The following UBA6 variants were observed in gnomAD, a reference collection of about 807,000 sequenced individuals.
The protein encoded by UBA6 is ubiquitin like modifier activating enzyme 6.
UBA6 carries 87 observed loss-of-function variants against 148.3 expected under a neutral mutation model. That is an observed-to-expected ratio of 0.59 (90% CI 0.49 to 0.70). UBA6 has a LOEUF of 0.70. UBA6 is among the 30% of genes least tolerant of loss of function. The pLI is 0.00. For synonymous variants in UBA6, 376 were observed against 401.0 expected (o/e 0.94, Z 0.75); for missense variants, 1,186 against 1,241.2 (o/e 0.96, Z 0.67).
At chr4:67,700,595 T>C (rs1288271255) in intron 1 of UBA6, among the ~76,000 whole-genome samples, 1 of 152,026 alleles carries the variant, frequency 6.6e-6, no homozygotes, top group Admixed American at 6.5e-5. Context: ...TACTGATTCA[T>C]TCTTACCAAG....
intron 32 of UBA6, among the ~76,000 whole-genome samples, chr4:67,620,577 G>A (rs1300290587): frequency 6.6e-6 from 1 of 152,152 alleles, no homozygotes; most frequent in African/African-American, 2.4e-5. Flanking sequence ...CAAATAAGTA[G>A]GCCAGTGTAG....
At chr4:67,665,350 ACT>A (rs1341055766) in intron 9 of UBA6, 58 bp from the exon 10 acceptor site, 6 of 1,044,094 alleles carry the variant, frequency 5.7e-6, no homozygotes, top group Non-Finnish European at 8.5e-6. Context: ...TTAAATTTCA[ACT>A]CTTATTGTCA....
chr4:67,668,423 C>T (rs777455532), intron 9 of UBA6, 128 bp downstream of exon 9: 5 of 798,354 alleles, frequency 6.3e-6, no homozygotes, highest in African/African-American at 1.7e-5. Context: ...TCACTTGGAT[C>T]GAATATTTTG....
At chr4:67,690,317 AG>A (rs1268030616) in intron 2 of UBA6, among the ~76,000 whole-genome samples, 1 of 152,134 alleles carries the variant, frequency 6.6e-6, no homozygotes, top group African/African-American at 2.4e-5. Flanking sequence ...AATGAATCAA[AG>A]ACTTAAATGT....
chr4:67,671,389 C>A (rs769058766), intron 7 of UBA6, among the ~76,000 whole-genome samples: 1 of 151,132 alleles, frequency 6.6e-6, no homozygotes, highest in Non-Finnish European at 1.5e-5. Context: ...AGAAGACCAC[C>A]TCCCACTTGA....
rs747050819 is a variant in UBA6 at position 67,668,567 on chromosome 4, A to G, written c.777T>C (p.Ser259=). Residue 259 remains serine, a synonymous_variant, in exon 9 of 33, where the codon TCT becomes TCC. Coordinates refer to ENST00000322244, the MANE Select transcript of UBA6 (RefSeq NM_018227.6). ...EINGMTGLNG[S]IQQITVISPF... is the part of the protein sequence containing the mutation. ...TTGACTTACCCGTTATTTGTTGTAT[A>G]GATCCATTTAAACCTGTCATTCCAT... 3 of 1,612,014 alleles carry G rather than the reference A, an allele frequency of 1.9e-6. No homozygotes were observed. Among genetic ancestry groups the G allele is most frequent in the South Asian group, 2.2e-5 (2 of 90,942 alleles).
At chr4:67,687,791 G>A (rs1341186224) in intron 2 of UBA6, among the ~76,000 whole-genome samples, 2 of 152,090 alleles carry the variant, frequency 1.3e-5, no homozygotes, top group African/African-American at 2.4e-5. Context: ...CTCCAACCAC[G>A]TCCCTGCAAA....
In UBA6 at chr4:67,675,756, AAAG is replaced by A. The variant is rs1369270762; in HGVS notation, c.465+1852_465+1854del. Among the ~76,000 whole-genome samples, 615 of 148,700 alleles carry A rather than the reference AAAG, an allele frequency of 4.1e-3. 6 individuals carry two copies. The highest frequency in any genetic ancestry group is 0.014 in the African/African-American group (578 of 40,700). On this transcript the variant is annotated intron_variant, in intron 6 of 32. Coordinates refer to ENST00000322244, the MANE Select transcript of UBA6 (RefSeq NM_018227.6). Reference sequence around the variant, plus strand: ...AAAGGAAAGAGAAAGAGGAAAGAGGAAAGAAGAAAGGAAAGGAAAAGAAAGGAA... The same window carrying A: ...AAAGGAAAGAGAAAGAGGAAAGAGGAAAGAAAGGAAAGGAAAAGAAAGGAA...
chr4:67,634,869 A>G (rs1729099027), intron 20 of UBA6, among the ~76,000 whole-genome samples: 1 of 152,114 alleles, frequency 6.6e-6, no homozygotes. Context: ...TTGAAAAGTA[A>G]TTCAGGAATA....
rs1729883265 is a variant in UBA6 at position 67,662,408 on chromosome 4, G to T, written c.1038-153C>A. On this transcript the variant is annotated intron_variant, in intron 12 of 32. Coordinates refer to ENST00000322244, the MANE Select transcript of UBA6 (RefSeq NM_018227.6). ...ATGTTGTACTGATTTAAAGATGATTGGCTTATAAATACATTACTTCAAAAT... is the reference window on the plus strand; with the variant it reads ...ATGTTGTACTGATTTAAAGATGATTTGCTTATAAATACATTACTTCAAAAT... 7 of 553,540 alleles carry T rather than the reference G, an allele frequency of 1.3e-5. No individual in the cohort carries two copies. In the South Asian group the frequency reaches 1.8e-4, roughly 14 times the overall value. 34.3% of individuals were successfully genotyped at this position (553,540 alleles called of 1,614,324 possible).
chr4:67,656,829 A>G (rs1244806049), intron 13 of UBA6, among the ~76,000 whole-genome samples: 1 of 152,252 alleles, frequency 6.6e-6, no homozygotes, highest in Non-Finnish European at 1.5e-5. Flanking sequence ...CAACTTCAGC[A>G]AAGTCTCAGG....
chr4:67,701,042 CTCT>C lies in UBA6; in HGVS notation c.71+4_71+6del. ...ACCCCTCACCTTCGCCCTTCTCGTC[CTCT>C]CACCTGCCAGTCCCCCAGGAAGAAC... is the stretch of plus-strand genomic sequence containing the variant. On this transcript the variant is annotated splice_donor_5th_base_variant and intron_variant, in intron 1 of 32. Transcript: ENST00000322244. The C allele has an allele frequency of 2.7e-5, 43 of 1,613,776 alleles. No homozygotes were observed. The highest frequency in any genetic ancestry group is 3.5e-5 in the Non-Finnish European group (41 of 1,179,740).
chr4:67,663,025 G>T, intron 12 of UBA6, 114 bp downstream of exon 12: 1 of 637,628 alleles, frequency 1.6e-6, no homozygotes, highest in Non-Finnish European at 2.6e-6. Context: ...TGCACAGCTT[G>T]GTATATCTAT....
At chr4:67,623,860 C>T (rs200382755) in intron 30 of UBA6, among the ~76,000 whole-genome samples, 1 of 152,004 alleles carries the variant, frequency 6.6e-6, no homozygotes, top group African/African-American at 2.4e-5. Flanking sequence ...AGTCAGACAC[C>T]AGGGTACCTT....
chr4:67,668,126 T>G (rs1730054025), intron 9 of UBA6, among the ~76,000 whole-genome samples: 1 of 152,208 alleles, frequency 6.6e-6, no homozygotes, highest in African/African-American at 2.4e-5. Context: ...GTGATCAAGT[T>G]TCCTCCTAAA....
rs200188868 is a variant in UBA6 at position 67,698,427 on chromosome 4, G to C, written c.72-1720C>G. Among the ~76,000 whole-genome samples the C allele has an allele frequency of 5.3e-5, 8 of 152,344 alleles. No homozygotes were observed. The East Asian group carries it at 1.5e-3, about 29-fold the overall frequency. On this transcript the variant is annotated intron_variant, in intron 1 of 32. Transcript: ENST00000322244. Reference sequence around the variant, plus strand: ...CTGTGCTACATATTTAAGTGCTTTAGATGTACTTATTCAGTTAACCCTTAC... The same window carrying C: ...CTGTGCTACATATTTAAGTGCTTTACATGTACTTATTCAGTTAACCCTTAC...
chr4:67,667,911 A>G (rs1577824919), intron 9 of UBA6, among the ~76,000 whole-genome samples: 1 of 152,166 alleles, frequency 6.6e-6, no homozygotes, highest in African/African-American at 2.4e-5. Flanking sequence ...CAGACACGAC[A>G]TTCATCCCTT....
intron 30 of UBA6, among the ~76,000 whole-genome samples, 190 bp from the exon 31 acceptor site, chr4:67,623,412 A>G (rs1728797503): frequency 6.6e-6 from 1 of 152,196 alleles, no homozygotes; most frequent in African/African-American, 2.4e-5. Context: ...CATCATATAG[A>G]TAACCACTTT....
At chr4:67,699,436 TCTAG>T (rs1036436378) in intron 1 of UBA6, among the ~76,000 whole-genome samples, 9 of 152,348 alleles carry the variant, frequency 5.9e-5, no homozygotes, top group Non-Finnish European at 1.2e-4. Flanking sequence ...GATACCAGCT[TCTAG>T]CTAATTAAAC....
Sources: gnomAD v4.1 joint callset for allele counts (sites outside exome capture counted in the v4.1 genomes callset) on GRCh38, gnomAD v4.1.1 for gene constraint, MANE v1.5 for transcripts, NCBI Gene and HGNC (gene_info 2026-07-23, HGNC 2026-07-21) for gene names.